PTPRD: variants seen among roughly 807,000 people sequenced by gnomAD.
PTPRD encodes receptor-type tyrosine-protein phosphatase delta.
In PTPRD, 34 loss-of-function variants were observed where a neutral mutation model predicts 214.5. The observed-to-expected ratio is 0.16, with a 90% confidence interval of 0.12 to 0.21. PTPRD has a LOEUF of 0.21. Ranked by LOEUF, PTPRD falls within the 10% of genes least tolerant of loss-of-function variation. PTPRD has a pLI of 1.00. For missense variants in PTPRD, 2,545 were observed against 2,398.7 expected, an observed-to-expected ratio of 1.06 and a Z score of -1.27; for synonymous variants, 1,128 against 845.7, an observed-to-expected ratio of 1.33 and a Z score of -5.79.
chr9:10,528,127 G>C (rs1178895083), intron 2 of PTPRD, among the ~76,000 whole-genome samples: 5 of 152,086 alleles, frequency 3.3e-5, no homozygotes, highest in African/African-American at 1.2e-4. Flanking sequence ...GCCTGATGCA[G>C]ATCTCTACAG....
chr9:8,625,200 T>TAA (rs1344089044), intron 14 of PTPRD, among the ~76,000 whole-genome samples: 1 of 151,380 alleles, frequency 6.6e-6, no homozygotes, highest in Non-Finnish European at 1.5e-5. Context: ...AAACACACTA[T>TAA]ATATATATAT....
intron 6 of PTPRD, among the ~76,000 whole-genome samples, chr9:9,751,943 GT>G (rs1449339054): frequency 6.6e-6 from 1 of 152,066 alleles, no homozygotes; most frequent in Non-Finnish European, 1.5e-5. Flanking sequence ...ATTAAAAATA[GT>G]AACAGTGGTG....
intron 10 of PTPRD, among the ~76,000 whole-genome samples, chr9:9,144,599 A>G (rs967205862): frequency 6.6e-6 from 1 of 152,052 alleles, no homozygotes; most frequent in African/African-American, 2.4e-5. Context: ...TAAAAATAGA[A>G]AAAATTAGCT....
At chr9:8,936,613 T>C (rs1031414721) in intron 11 of PTPRD, among the ~76,000 whole-genome samples, 7 of 151,300 alleles carry the variant, frequency 4.6e-5, no homozygotes, top group Non-Finnish European at 7.4e-5. Flanking sequence ...TTCAACTGAC[T>C]ATTTACAGGG....
At chr9:8,591,268 G>A (rs138528769) in intron 14 of PTPRD, among the ~76,000 whole-genome samples, 12 of 152,142 alleles carry the variant, frequency 7.9e-5, no homozygotes, top group Non-Finnish European at 1.6e-4. Context: ...AGGTTCCAAA[G>A]AATAGGAACT....
intron 2 of PTPRD, among the ~76,000 whole-genome samples, chr9:10,437,049 C>G (rs775577224): frequency 1.3e-5 from 2 of 151,712 alleles, no homozygotes; most frequent in African/African-American, 4.8e-5. Context: ...GCAATAACCA[C>G]CTTCTTAGCA....
At chr9:9,410,390 G>A (rs2075003174) in intron 8 of PTPRD, among the ~76,000 whole-genome samples, 1 of 152,170 alleles carries the variant, frequency 6.6e-6, no homozygotes, top group Admixed American at 6.5e-5. Context: ...AAAATGATTT[G>A]TGTCATTGCC....
Position 10,094,185 on chromosome 9 carries a change from T to C in PTPRD, c.-544-60395A>G, listed in dbSNP as rs539742279. Among the ~76,000 whole-genome samples the C allele has an allele frequency of 1.6e-4, 24 of 151,634 alleles. No homozygotes were observed. In the South Asian group the frequency reaches 5.0e-3, roughly 31 times the overall value. On this transcript the variant is annotated intron_variant, in intron 3 of 45. Coordinates refer to ENST00000381196, the MANE Select transcript of PTPRD (RefSeq NM_002839.4). ...GTCTTGGTTTTAATATTTTACTCTG[T>C]CTATCCTCCTATTTATCCTATTTAT...
At chr9:9,399,571 T>C (rs1462132097) in intron 8 of PTPRD, among the ~76,000 whole-genome samples, 1 of 152,070 alleles carries the variant, frequency 6.6e-6, no homozygotes, top group Non-Finnish European at 1.5e-5. Context: ...CTACCTAAAA[T>C]TCATCTTAAA....
chr9:8,919,268 C>G (rs1249714595), intron 11 of PTPRD, among the ~76,000 whole-genome samples: 1 of 151,868 alleles, frequency 6.6e-6, no homozygotes, highest in Non-Finnish European at 1.5e-5. Flanking sequence ...TGGTGCACAC[C>G]TGTAGTCCCA....
intron 9 of PTPRD, among the ~76,000 whole-genome samples, chr9:9,277,369 G>A (rs1209745467): frequency 6.6e-6 from 1 of 151,290 alleles, no homozygotes; most frequent in Non-Finnish European, 1.5e-5. Flanking sequence ...TATTGATAGA[G>A]CTGCAAAAGT....
chr9:10,277,307 G>A (rs1306802362), intron 3 of PTPRD, among the ~76,000 whole-genome samples: 2 of 151,296 alleles, frequency 1.3e-5, no homozygotes, highest in African/African-American at 4.9e-5. Flanking sequence ...TATACCATCT[G>A]GTGCCTTTAT....
chr9:8,843,965 A>G (rs1489818677), intron 11 of PTPRD, among the ~76,000 whole-genome samples: 2 of 152,146 alleles, frequency 1.3e-5, no homozygotes, highest in Admixed American at 1.3e-4. Flanking sequence ...CCTTTTGAAA[A>G]TTTCTAATTG....
Position 10,370,190 on chromosome 9 carries a change from T to A in PTPRD, c.-599-29173A>T, listed in dbSNP as rs565894254. On this transcript the variant is annotated intron_variant, in intron 2 of 45. Transcript: ENST00000381196. ...TTGTTAAGTCACATATTTGAGAACATTATTTATTTTCACAGTTCTTATGTT... is the reference window on the plus strand; with the variant it reads ...TTGTTAAGTCACATATTTGAGAACAATATTTATTTTCACAGTTCTTATGTT... Among the ~76,000 whole-genome samples the A allele has an allele frequency of 3.9e-5, 6 of 152,176 alleles. No individual in the cohort carries two copies. In the East Asian group the frequency reaches 1.2e-3, roughly 29 times the overall value.
At chr9:9,335,563 T>C (rs2044110649) in intron 9 of PTPRD, among the ~76,000 whole-genome samples, 1 of 152,110 alleles carries the variant, frequency 6.6e-6, no homozygotes, top group Admixed American at 6.6e-5. Flanking sequence ...CTGGTATTTA[T>C]TTTAAATTAA....
At chr9:9,988,045 G>A (rs906812255) in intron 4 of PTPRD, among the ~76,000 whole-genome samples, 6 of 152,206 alleles carry the variant, frequency 3.9e-5, no homozygotes, top group African/African-American at 1.4e-4. Context: ...GCACTTGTCT[G>A]CTTTTAAACA....
At chr9:9,540,392 A>G (rs929294743) in intron 8 of PTPRD, among the ~76,000 whole-genome samples, 8 of 151,810 alleles carry the variant, frequency 5.3e-5, no homozygotes, top group Non-Finnish European at 1.0e-4. Context: ...ATAAGGTGAG[A>G]TGGTTACAGA....
chr9:8,547,999 G>A (rs574696479), intron 14 of PTPRD, among the ~76,000 whole-genome samples: 2 of 152,278 alleles, frequency 1.3e-5, no homozygotes, highest in South Asian at 2.1e-4. Context: ...AGGTGAAAAC[G>A]TGCATGTGAA....
intron 4 of PTPRD, among the ~76,000 whole-genome samples, chr9:9,958,382 T>A (rs1185911155): frequency 2.6e-5 from 4 of 152,014 alleles, no homozygotes; most frequent in African/African-American, 9.7e-5. Flanking sequence ...ATACAAAAAA[T>A]TAGCTGGGCG....
Sources: gnomAD v4.1 joint callset for allele counts (sites outside exome capture counted in the v4.1 genomes callset) on GRCh38, gnomAD v4.1.1 for gene constraint, MANE v1.5 for transcripts, NCBI Gene and HGNC (gene_info 2026-07-23, HGNC 2026-07-21) for gene names.